Variants in ST18 observed in about 807,000 individuals in gnomAD.
ST18 encodes the protein suppression of tumorigenicity 18 protein.
In ST18, 50 loss-of-function variants were observed where a neutral mutation model predicts 110.0. That is an observed-to-expected ratio of 0.45 (90% CI 0.36 to 0.58). The LOEUF (loss-of-function observed/expected upper bound fraction) is 0.58, where lower values mean the gene tolerates loss of function less well. Ranked by LOEUF, ST18 falls within the 20% of genes least tolerant of loss-of-function variation. ST18 has a pLI of 0.00. For missense variants in ST18, 1,306 were observed against 1,280.1 expected, an observed-to-expected ratio of 1.02 and a Z score of -0.31; for synonymous variants, 461 against 452.4, an observed-to-expected ratio of 1.02 and a Z score of -0.24.
intron 16 of ST18, among the ~76,000 whole-genome samples, chr8:52,147,721 G>A (rs2057716422): frequency 6.6e-6 from 1 of 151,978 alleles, no homozygotes; most frequent in South Asian, 2.1e-4. Context: ...TGTAGCATAA[G>A]GACTTCTACT....
In ST18 at chr8:52,319,932, C is replaced by T. The variant is rs150450267; in HGVS notation, c.-465+89396G>A. 5.5e-3 allele frequency among the ~76,000 whole-genome samples: 844 copies of T among 152,286 alleles called. 13 individuals carry two copies. The highest frequency in any genetic ancestry group is 0.053 in the East Asian group (273 of 5,182). ...GTATTCCAAGACGAACGGGTGGAAG[C>T]TGGACAGCCTTTTCTGACCAGGTCT... On this transcript the variant is annotated intron_variant, in intron 2 of 25. Coordinates refer to ENST00000689386, the MANE Select transcript of ST18 (RefSeq NM_001352837.2).
rs150296545 is a variant in ST18, at chr8:52,210,227, G to A, written c.86+1852C>T. 888 of 421,798 alleles carry A rather than the reference G, an allele frequency of 2.1e-3. 5 individuals carry two copies. Among genetic ancestry groups the A allele is most frequent in the African/African-American group, 0.017 (804 of 48,152 alleles). 26.1% of individuals were successfully genotyped at this position (421,798 alleles called of 1,614,324 possible). On this transcript the variant is annotated intron_variant, in intron 8 of 25. Transcript: ENST00000689386. ...CTATTCTACAGGGGACATAAATAAA[G>A]CCTCCAGAAATATAAGAACTTTAAA...
chr8:52,208,215 C>T (rs185392517), intron 8 of ST18, among the ~76,000 whole-genome samples: 158 of 152,216 alleles, frequency 1.0e-3, no homozygotes, highest in African/African-American at 3.6e-3. Context: ...CGTAAGTAGT[C>T]GCTCTAGAAG....
chr8:52,341,248 C>G (rs182517650), intron 2 of ST18, among the ~76,000 whole-genome samples: 2 of 152,132 alleles, frequency 1.3e-5, no homozygotes, highest in Non-Finnish European at 2.9e-5. Context: ...AAATCAAACA[C>G]GTGGAAAGGG....
intron 2 of ST18, among the ~76,000 whole-genome samples, chr8:52,289,669 T>C (rs146036737): frequency 7.2e-5 from 11 of 152,234 alleles, no homozygotes; most frequent in South Asian, 2.1e-4. Context: ...AAATAAGCCA[T>C]TGGGGTGGGC....
At chr8:52,386,341 A>AAAT (rs1278745228) in intron 2 of ST18, among the ~76,000 whole-genome samples, 1 of 152,208 alleles carries the variant, frequency 6.6e-6, no homozygotes, top group Non-Finnish European at 1.5e-5. Flanking sequence ...GATTGCAATG[A>AAAT]AATATCAAAA....
chr8:52,122,096 G>C (rs141855684), intron 23 of ST18, among the ~76,000 whole-genome samples: 1 of 152,218 alleles, frequency 6.6e-6, no homozygotes, highest in South Asian at 2.1e-4. Context: ...CGCCTTCCTT[G>C]CCTCCCAAAG....
intron 10 of ST18, among the ~76,000 whole-genome samples, chr8:52,167,725 T>C (rs1342651633): frequency 6.6e-6 from 1 of 151,832 alleles, no homozygotes; most frequent in Non-Finnish European, 1.5e-5. Flanking sequence ...TTCCAGAAAA[T>C]AGAAGTGCAA....
intron 12 of ST18, 90 bp from the exon 13 acceptor site, chr8:52,164,180 C>G (rs770119830): frequency 5.2e-5 from 55 of 1,063,070 alleles, no homozygotes; most frequent in Non-Finnish European, 7.4e-5. Context: ...TTGGCACACA[C>G]TAAATGTTAA....
chr8:52,369,042 C>T (rs767125507), intron 2 of ST18, among the ~76,000 whole-genome samples: 6 of 152,026 alleles, frequency 3.9e-5, no homozygotes, highest in Non-Finnish European at 7.4e-5. Flanking sequence ...CTAGCAATCA[C>T]GTTTGCTAAA....
chr8:52,284,707 G>A (rs922686018), intron 2 of ST18, among the ~76,000 whole-genome samples: 5 of 152,142 alleles, frequency 3.3e-5, no homozygotes, highest in Non-Finnish European at 7.3e-5. Flanking sequence ...ATGAGTCCCA[G>A]ACAATGCCAG....
intron 2 of ST18, among the ~76,000 whole-genome samples, chr8:52,245,977 A>G (rs951043825): frequency 1.3e-5 from 2 of 152,168 alleles, no homozygotes; most frequent in African/African-American, 4.8e-5. Flanking sequence ...TACAACTTAA[A>G]TGTATAGATC....
chr8:52,147,177 C>G (rs1210760707), intron 16 of ST18, among the ~76,000 whole-genome samples: 1 of 152,126 alleles, frequency 6.6e-6, no homozygotes, highest in Admixed American at 6.6e-5. Flanking sequence ...TAAAGAATCC[C>G]ATCTTGTGTG....
chr8:52,158,855 G>A (rs2060661150), intron 15 of ST18, 43 bp downstream of exon 15: 1 of 1,606,960 alleles, frequency 6.2e-7, no homozygotes, highest in Admixed American at 1.7e-5. Flanking sequence ...TATTCTCACA[G>A]TTCAGTCGCT....
In ST18 at chr8:52,386,249, A is replaced by C. The variant is rs572437342; in HGVS notation, c.-465+23079T>G. ...AATTTATATTATACAATTTTAAAGTAAATTTTTAAAAATTTTAAAGTAAGA... is the reference window on the plus strand; with the variant it reads ...AATTTATATTATACAATTTTAAAGTCAATTTTTAAAAATTTTAAAGTAAGA... On this transcript the variant is annotated intron_variant, in intron 2 of 25. Transcript: ENST00000689386. Among the ~76,000 whole-genome samples, 3 of 152,366 alleles carry C rather than the reference A, an allele frequency of 2.0e-5. No individual in the cohort carries two copies. The East Asian group carries it at 5.8e-4, about 29-fold the overall frequency.
At chr8:52,354,903 A>G (rs1160848073) in intron 2 of ST18, among the ~76,000 whole-genome samples, 2 of 152,208 alleles carry the variant, frequency 1.3e-5, no homozygotes, top group Admixed American at 6.5e-5. Flanking sequence ...TAAATACTTG[A>G]ACATTATAAA....
intron 8 of ST18, among the ~76,000 whole-genome samples, chr8:52,203,827 G>C (rs767641294): frequency 7.2e-5 from 11 of 152,138 alleles, no homozygotes; most frequent in Non-Finnish European, 1.5e-4. Flanking sequence ...TGCAGTGCTT[G>C]AGCAAGTCCA....
At chr8:52,200,669 G>A (rs1421697054) in intron 8 of ST18, among the ~76,000 whole-genome samples, 2 of 152,170 alleles carry the variant, frequency 1.3e-5, no homozygotes, top group Admixed American at 6.5e-5. Context: ...GGAGTGAGCC[G>A]CGATGGCTTA....
chr8:52,124,119 C>T (rs762136342), intron 23 of ST18, among the ~76,000 whole-genome samples: 4 of 152,136 alleles, frequency 2.6e-5, no homozygotes, highest in Non-Finnish European at 5.9e-5. Context: ...TCTTAGTGTC[C>T]TCAGGGTTGC....
Sources: gnomAD v4.1 joint callset for allele counts (sites outside exome capture counted in the v4.1 genomes callset) on GRCh38, gnomAD v4.1.1 for gene constraint, MANE v1.5 for transcripts, NCBI Gene and HGNC (gene_info 2026-07-23, HGNC 2026-07-21) for gene names.